Variants in PRKCB observed in about 807,000 individuals in gnomAD.
PRKCB encodes the protein protein kinase C beta type.
Under a neutral mutation model 81.5 loss-of-function variants are expected in PRKCB, and 13 were observed. The ratio of observed to expected loss-of-function variants is 0.16; its 90% CI spans 0.10 to 0.25. PRKCB has a LOEUF of 0.25. Ranked by LOEUF, PRKCB falls within the 10% of genes least tolerant of loss-of-function variation. PRKCB has a pLI of 1.00. For synonymous variants in PRKCB, 335 were observed against 321.4 expected (o/e 1.04, Z -0.45); for missense variants, 509 against 875.7 (o/e 0.58, Z 5.29).
chr16:23,964,885 G>A (rs1468777856), intron 2 of PRKCB, among the ~76,000 whole-genome samples: 1 of 152,116 alleles, frequency 6.6e-6, no homozygotes, highest in Admixed American at 6.5e-5. Context: ...GGCCAGGCTG[G>A]TCTTGAATTC....
chr16:24,182,282 C>T (rs1967638229), intron 13 of PRKCB, among the ~76,000 whole-genome samples: 1 of 151,922 alleles, frequency 6.6e-6, no homozygotes, highest in South Asian at 2.1e-4. Flanking sequence ...ACTTTGGGAG[C>T]CTGAGGCAAG....
At chr16:24,052,958 A>G (rs1965860960) in intron 5 of PRKCB, among the ~76,000 whole-genome samples, 1 of 152,192 alleles carries the variant, frequency 6.6e-6, no homozygotes, top group Admixed American at 6.5e-5. Flanking sequence ...AACATCTCTG[A>G]CACTCTGAGA....
chr16:24,012,351 T>C lies in PRKCB; in HGVS notation c.289-19785T>C, dbSNP rs183792824. 4.2e-3 allele frequency among the ~76,000 whole-genome samples: 645 copies of C among 152,328 alleles called. 4 individuals carry two copies. Among genetic ancestry groups the C allele is most frequent in the Admixed American group, 6.9e-3 (105 of 15,298 alleles). ...TGAGGCCCAGAGAAGTGAACTGACTTGCCAGGTCACATAACTAATAAGCAG... is the reference window on the plus strand; with the variant it reads ...TGAGGCCCAGAGAAGTGAACTGACTCGCCAGGTCACATAACTAATAAGCAG... On this transcript the variant is annotated intron_variant, in intron 3 of 16. Coordinates refer to ENST00000643927, the MANE Select transcript of PRKCB (RefSeq NM_002738.7).
intron 2 of PRKCB, among the ~76,000 whole-genome samples, chr16:23,941,227 A>C (rs1964137329): frequency 6.6e-6 from 1 of 152,224 alleles, no homozygotes; most frequent in South Asian, 2.1e-4. Context: ...AATCTTTATC[A>C]AAACAGGTGG....
intron 16 of PRKCB, among the ~76,000 whole-genome samples, chr16:24,191,843 ACT>A (rs1469400377): frequency 1.3e-5 from 2 of 151,902 alleles, no homozygotes; most frequent in Non-Finnish European, 2.9e-5. Context: ...CAAGAATAAA[ACT>A]CTCACATTTC....
intron 5 of PRKCB, among the ~76,000 whole-genome samples, chr16:24,071,420 A>C (rs1966105620): frequency 7.1e-6 from 1 of 140,282 alleles, no homozygotes; most frequent in African/African-American, 2.8e-5. Context: ...CCTGGGTAAC[A>C]TGGTGAGACC....
Position 24,216,650 on chromosome 16 carries a change from G to T in PRKCB, c.*1834G>T, listed in dbSNP as rs1214577208. The T allele has an allele frequency of 2.0e-6, 2 of 984,632 alleles. No homozygotes were observed. The highest frequency in any genetic ancestry group is 2.4e-6 in the Non-Finnish European group (2 of 829,846). 61.0% of individuals were successfully genotyped at this position (984,632 alleles called of 1,614,324 possible). Reference sequence around the variant, plus strand: ...AGTCTCCTGCAGTTCATCCTTCTCTGTCCTCTTCTTGCTTCAGGCTTGGGG... The same window carrying T: ...AGTCTCCTGCAGTTCATCCTTCTCTTTCCTCTTCTTGCTTCAGGCTTGGGG... On this transcript the variant is annotated 3_prime_UTR_variant, in exon 17 of 17. Coordinates refer to ENST00000643927, the MANE Select transcript of PRKCB (RefSeq NM_002738.7).
At chr16:24,027,178 T>C (rs1258752417) in intron 3 of PRKCB, among the ~76,000 whole-genome samples, 1 of 152,172 alleles carries the variant, frequency 6.6e-6, no homozygotes, top group Non-Finnish European at 1.5e-5. Flanking sequence ...AGGTGTATTA[T>C]GTTCCCCTCC....
rs1597226197 is a variant in PRKCB, at chr16:23,882,025, C to CTTTCTCTTT, written c.205+44619_205+44620insTTTCTCTTT. Among the ~76,000 whole-genome samples the CTTTCTCTTT allele has an allele frequency of 1.9e-3, 34 of 18,338 alleles. 3 individuals are homozygous for CTTTCTCTTT. The highest frequency in any genetic ancestry group is 2.5e-3 in the Non-Finnish European group (21 of 8,402). 12.0% of individuals were successfully genotyped at this position (18,338 alleles called of 152,430 possible). Reference sequence around the variant, plus strand: ...TTCTTTCTTTCTTTCTTTCTTTCTTCCTTCCTTCCTTCCTTCCTTCCTTCC... The same window carrying CTTTCTCTTT: ...TTCTTTCTTTCTTTCTTTCTTTCTTCTTTCTCTTTCTTCCTTCCTTCCTTCCTTCCTTCC... On this transcript the variant is annotated intron_variant, in intron 2 of 16. Transcript: ENST00000643927.
chr16:23,973,621 T>C (rs1035278668), intron 2 of PRKCB, among the ~76,000 whole-genome samples: 3 of 152,242 alleles, frequency 2.0e-5, no homozygotes, highest in Non-Finnish European at 2.9e-5. Context: ...ACAGTGAGCA[T>C]GTTAAACCTA....
Position 24,113,086 on chromosome 16 carries a change from T to C in PRKCB, c.918+17T>C, listed in dbSNP as rs754335440. 1.9e-6 allele frequency: 3 copies of C among 1,581,522 alleles called. No homozygotes were observed. In the South Asian group the frequency reaches 3.4e-5, roughly 18 times the overall value. On this transcript the variant is annotated intron_variant, in intron 8 of 16. Transcript: ENST00000643927. The stretch of plus-strand genomic sequence containing the variant: ...AAATTTGAGGTGAGGTTTCTTTTCT[T>C]TTTCTCTTCTTTCTTTTTTCTCTTT...
intron 15 of PRKCB, 43 bp from the exon 16 acceptor site, chr16:24,191,047 C>T (rs1312776805): frequency 3.1e-6 from 5 of 1,598,752 alleles, no homozygotes; most frequent in African/African-American, 1.3e-5. Flanking sequence ...TACATTTCCT[C>T]TTCTGAAACT....
At chr16:24,001,991 A>G (rs1015132215) in intron 3 of PRKCB, among the ~76,000 whole-genome samples, 5 of 152,230 alleles carry the variant, frequency 3.3e-5, no homozygotes, top group Non-Finnish European at 7.3e-5. Context: ...GTAACAAACC[A>G]TTCCAAAATT....
chr16:24,132,925 C>T (rs561270571), intron 9 of PRKCB, among the ~76,000 whole-genome samples: 1 of 152,274 alleles, frequency 6.6e-6, no homozygotes, highest in South Asian at 2.1e-4. Flanking sequence ...GCATTACAGG[C>T]ATGAGCCACT....
At chr16:23,862,557 C>T (rs1962688877) in intron 2 of PRKCB, among the ~76,000 whole-genome samples, 1 of 152,304 alleles carries the variant, frequency 6.6e-6, no homozygotes, top group East Asian at 1.9e-4. Flanking sequence ...TCTGCAGAAT[C>T]TGCTTTCTTT....
chr16:23,890,627 A>C (rs6497697), intron 2 of PRKCB, among the ~76,000 whole-genome samples: 146,638 of 152,276 alleles, frequency 0.96, 70,651 homozygotes, highest in East Asian at 1. Flanking sequence ...CGTGCCATCA[A>C]CTGCTTCATT....
intron 2 of PRKCB, among the ~76,000 whole-genome samples, chr16:23,898,134 C>T (rs1022722480): frequency 4.6e-5 from 7 of 151,002 alleles, no homozygotes; most frequent in African/African-American, 1.2e-4. Context: ...GGTGCGATCT[C>T]GGTTCACTGC....
At position 24,103,643 on chromosome 16, in the gene PRKCB, A is replaced by G. The variant is rs930236618; in HGVS notation, c.822-9330A>G. On this transcript the variant is annotated intron_variant, in intron 7 of 16. Coordinates refer to ENST00000643927, the MANE Select transcript of PRKCB (RefSeq NM_002738.7). ...CATGATGCTGAGGTTTGGGGTATGA[A>G]TGATTCCGTCACCCAGGTACTGAGC... is the stretch of plus-strand genomic sequence containing the variant. Among the ~76,000 whole-genome samples, 24 of 152,192 alleles carry G rather than the reference A, an allele frequency of 1.6e-4. 1 individual carries two copies. Among genetic ancestry groups the G allele is most frequent in the Non-Finnish European group, 2.9e-5 (2 of 68,050 alleles).
chr16:24,129,160 C>T (rs1404083517), intron 9 of PRKCB, among the ~76,000 whole-genome samples: 1 of 152,138 alleles, frequency 6.6e-6, no homozygotes, highest in African/African-American at 2.4e-5. Flanking sequence ...TTCATATGTG[C>T]TCATGGTAAT....
Sources: allele counts gnomAD v4.1 joint callset (sites outside exome capture counted in the v4.1 genomes callset), GRCh38; gene constraint gnomAD v4.1.1; transcripts MANE v1.5; gene names NCBI Gene and HGNC (gene_info 2026-07-23, HGNC 2026-07-21).